Variants in EXOC2 observed in about 807,000 individuals in gnomAD.
EXOC2 encodes the protein SEC5-like 1.
A neutral mutation model predicts 131.8 loss-of-function variants in EXOC2; 70 were observed. That is an observed-to-expected ratio of 0.53 (90% CI 0.44 to 0.65). The LOEUF is 0.65. Among genes scored for constraint, EXOC2 ranks in the 30% least tolerant of loss-of-function variants. EXOC2 has a pLI of 0.00. For synonymous variants in EXOC2, 411 were observed against 398.4 expected (o/e 1.03, Z -0.38); for missense variants, 923 against 1,108.6 (o/e 0.83, Z 2.38).
rs753223383 is a variant in EXOC2 at position 592,518 on chromosome 6, G to A, written c.1143C>T (p.Ile381=). The A allele has an allele frequency of 4.3e-6, 7 of 1,614,068 alleles. No homozygotes were observed. Among genetic ancestry groups the A allele is most frequent in the Non-Finnish European group, 8.5e-7 (1 of 1,180,010 alleles). ...WQCIGAQHKW[I]LQLMHSCKEG... ...CTTTGCAACTGTGCATGAGCTGAAG[G>A]ATCCACTTGTGTTGGGCTCCAATGC... The change falls in exon 11 of 28, where the codon ATC becomes ATT. Residue 381 remains isoleucine (I), a synonymous_variant. Coordinates refer to ENST00000230449, the MANE Select transcript of EXOC2 (RefSeq NM_018303.6).
rs576878170 is a variant in EXOC2 at position 661,865 on chromosome 6, T to C, written c.-43-24004A>G. 3.3e-5 allele frequency among the ~76,000 whole-genome samples: 5 copies of C among 152,224 alleles called. No individual in the cohort carries two copies. The South Asian group carries it at 1.0e-3, about 32-fold the overall frequency. On this transcript the variant is annotated intron_variant, in intron 1 of 27. Coordinates refer to ENST00000230449, the MANE Select transcript of EXOC2 (RefSeq NM_018303.6). ...ACTTAAAAGATACAGAACCACAGAA[T>C]GGATAAGAACTCACCAACCAACAAT...
chr6:648,012 G>A (rs115326548), intron 1 of EXOC2, among the ~76,000 whole-genome samples: 3,271 of 152,248 alleles, frequency 0.021, 51 homozygotes, highest in Middle Eastern at 0.041. Flanking sequence ...TGCAACAATC[G>A]TATTTCCTTA....
chr6:670,869 A>G (rs1763831347), intron 1 of EXOC2, among the ~76,000 whole-genome samples: 1 of 152,118 alleles, frequency 6.6e-6, no homozygotes, highest in African/African-American at 2.4e-5. Context: ...CTCTTCCATG[A>G]GCCCATTGGG....
At chr6:489,675 G>C (rs1196276867) in intron 26 of EXOC2, among the ~76,000 whole-genome samples, 6 of 152,200 alleles carry the variant, frequency 3.9e-5, no homozygotes. Context: ...AAGCATCATA[G>C]GGGAGACTGT....
rs556867229 is a variant in EXOC2 at position 555,087 on chromosome 6, TA to T, written c.2054+139del. The T allele has an allele frequency of 9.9e-4, 427 of 433,476 alleles. 2 individuals are homozygous for T. Among genetic ancestry groups the T allele is most frequent in the African/African-American group, 6.8e-3 (335 of 49,580 alleles). The allele number at this position is 433,476 out of a possible 1,614,324, so 26.9% of individuals were successfully genotyped here. Reference sequence around the variant, plus strand: ...CTATGGAAAGAATATAGGTCGAATATAAAAAAAAACTATTACTTCGATATGA... The same window carrying T: ...CTATGGAAAGAATATAGGTCGAATATAAAAAAAACTATTACTTCGATATGA... On this transcript the variant is annotated intron_variant, in intron 20 of 27. Transcript: ENST00000230449.
At chr6:630,414 T>C (rs994743437) in intron 3 of EXOC2, among the ~76,000 whole-genome samples, 4 of 152,168 alleles carry the variant, frequency 2.6e-5, no homozygotes, top group African/African-American at 9.7e-5. Flanking sequence ...TCTTGGAAAA[T>C]GTCTGGGAAA....
intron 27 of EXOC2, 152 bp from the exon 28 acceptor site, chr6:486,916 A>AAAAG (rs1763097984): frequency 2.2e-6 from 1 of 461,398 alleles, no homozygotes; most frequent in Admixed American, 5.2e-5. Flanking sequence ...TTAACTCAGC[A>AAAAG]AAAGAAACAC....
chr6:520,931 G>T (rs1480156791), intron 23 of EXOC2, among the ~76,000 whole-genome samples: 2 of 145,150 alleles, frequency 1.4e-5, no homozygotes, highest in African/African-American at 5.4e-5. Context: ...ACCACCCACC[G>T]AGCGCCAACA....
In EXOC2 at chr6:632,398, G is replaced by A. The variant is rs557906899; in HGVS notation, c.295+543C>T. Among the ~76,000 whole-genome samples the A allele has an allele frequency of 2.7e-3, 405 of 152,264 alleles. 3 individuals are homozygous for A. Among genetic ancestry groups the A allele is most frequent in the African/African-American group, 9.3e-3 (387 of 41,554 alleles). ...GCAGCAAGTTCCTAACACTGCTAAC[G>A]GAAGGCAGCAAGTGGTCAGCGCATA... On this transcript the variant is annotated intron_variant, in intron 3 of 27. Coordinates refer to ENST00000230449, the MANE Select transcript of EXOC2 (RefSeq NM_018303.6).
rs73371962 is a variant in EXOC2 at position 601,042 on chromosome 6, C to T, written c.743-1817G>A. 7.6e-3 allele frequency among the ~76,000 whole-genome samples: 1,148 copies of T among 151,946 alleles called. 13 individuals are homozygous for T. Among genetic ancestry groups the T allele is most frequent in the Middle Eastern group, 0.024 (7 of 294 alleles). On this transcript the variant is annotated intron_variant, in intron 7 of 27. Coordinates refer to ENST00000230449, the MANE Select transcript of EXOC2 (RefSeq NM_018303.6). ...GATTTGTGCAAATAGATAAAAATCA[C>T]CAGTAGCTCACAAAATGCATTTTAT...
intron 23 of EXOC2, among the ~76,000 whole-genome samples, chr6:514,930 C>T (rs1765059826): frequency 6.6e-6 from 1 of 152,228 alleles, no homozygotes; most frequent in Admixed American, 6.5e-5. Flanking sequence ...AGCCAATGAC[C>T]AGATCGGCGC....
intron 23 of EXOC2, among the ~76,000 whole-genome samples, chr6:514,644 C>T (rs1008129941): frequency 6.6e-6 from 1 of 152,222 alleles, no homozygotes; most frequent in South Asian, 2.1e-4. Context: ...GCTGTGAAGA[C>T]ACAGCTGCTC....
intron 23 of EXOC2, among the ~76,000 whole-genome samples, chr6:515,549 G>C (rs559584796): frequency 6.6e-6 from 1 of 152,352 alleles, no homozygotes; most frequent in East Asian, 1.9e-4. Flanking sequence ...TGGCTCCAGG[G>C]TGCTAGGGTG....
chr6:655,306 A>G (rs1163196967), intron 1 of EXOC2, among the ~76,000 whole-genome samples: 1 of 152,236 alleles, frequency 6.6e-6, no homozygotes, highest in African/African-American at 2.4e-5. Context: ...TTTTTTACCA[A>G]TGAAGTATTT....
intron 22 of EXOC2, among the ~76,000 whole-genome samples, chr6:541,113 A>G (rs993622505): frequency 6.6e-6 from 1 of 152,198 alleles, no homozygotes; most frequent in Admixed American, 6.5e-5. Context: ...CAGCAAACCT[A>G]AAAACATGAT....
At chr6:559,428 A>T (rs925561819) in intron 17 of EXOC2, among the ~76,000 whole-genome samples, 1 of 152,156 alleles carries the variant, frequency 6.6e-6, no homozygotes, top group Non-Finnish European at 1.5e-5. Context: ...ATAGCTAAAA[A>T]ACTGACTCAG....
Position 656,729 on chromosome 6 carries a change from C to A in EXOC2, c.-43-18868G>T, listed in dbSNP as rs763833864. The A allele has an allele frequency of 3.1e-6, 5 of 1,593,902 alleles. No homozygotes were observed. In the East Asian group the frequency reaches 9.0e-5, roughly 29 times the overall value. On this transcript the variant is annotated intron_variant, in intron 1 of 27. Transcript: ENST00000230449. Reference sequence around the variant, plus strand: ...CCAGGTGGATCTCATCGAGATCTTCCGAGACACCTTCCATGCGAAACTGCT... The same window carrying A: ...CCAGGTGGATCTCATCGAGATCTTCAGAGACACCTTCCATGCGAAACTGCT...
In EXOC2 at chr6:542,750, G is replaced by C. The variant is rs187886683; in HGVS notation, c.2238+6425C>G. Among the ~76,000 whole-genome samples the C allele has an allele frequency of 2.8e-3, 419 of 152,296 alleles. 2 individuals are homozygous for C. Among genetic ancestry groups the C allele is most frequent in the Non-Finnish European group, 4.8e-3 (329 of 68,028 alleles). The stretch of plus-strand genomic sequence containing the variant: ...AGCTGGCATTGAATGTGTACTTATT[G>C]AATGAGTGAATGAACAGAGAAAGTA... On this transcript the variant is annotated intron_variant, in intron 22 of 27. Transcript: ENST00000230449.
intron 26 of EXOC2, among the ~76,000 whole-genome samples, chr6:489,652 C>T (rs1763304912): frequency 6.6e-6 from 1 of 152,096 alleles, no homozygotes; most frequent in South Asian, 2.1e-4. Flanking sequence ...GAAAAATTAC[C>T]AAACCAAATG....
Sources: allele counts gnomAD v4.1 joint callset (sites outside exome capture counted in the v4.1 genomes callset), GRCh38; gene constraint gnomAD v4.1.1; transcripts MANE v1.5; gene names NCBI Gene and HGNC (gene_info 2026-07-23, HGNC 2026-07-21).